Variants in CD28 observed in about 807,000 individuals in gnomAD.
CD28 encodes CD28 molecule.
CD28 carries 8 observed loss-of-function variants against 21.4 expected under a neutral mutation model. The ratio of observed to expected loss-of-function variants is 0.37; its 90% CI spans 0.22 to 0.68. CD28 has a LOEUF of 0.68. CD28 is among the 30% of genes least tolerant of loss of function. The pLI is 0.55. For missense variants in CD28, 239 were observed against 272.2 expected (o/e 0.88, Z 0.86); for synonymous variants, 106 against 104.0 (o/e 1.02, Z -0.12).
chr2:203,716,109 C>G (rs1162787731), intron 1 of CD28, among the ~76,000 whole-genome samples: 2 of 152,156 alleles, frequency 1.3e-5, no homozygotes, highest in African/African-American at 2.4e-5. Context: ...AATCTATGTG[C>G]CTTTTCTTGG....
chr2:203,716,258 C>T (rs1424774629), intron 1 of CD28, among the ~76,000 whole-genome samples: 2 of 152,102 alleles, frequency 1.3e-5, no homozygotes, highest in South Asian at 2.1e-4. Context: ...GACCTTATGG[C>T]CCAGCTAAAT....
intron 1 of CD28, among the ~76,000 whole-genome samples, chr2:203,722,983 C>T (rs1693643101): frequency 6.6e-6 from 1 of 152,152 alleles, no homozygotes. Context: ...TCTAGAATTA[C>T]TAGAGAAACT....
Position 203,706,673 on chromosome 2 carries a change from C to A in CD28, c.-24C>A. ...GTTCCTCGGGGAGGAGGGGCTGGAA[C>A]CCTAGCCCATCGTCAGGACAAAGAT... On this transcript the variant is annotated 5_prime_UTR_variant, in exon 1 of 4. Transcript: ENST00000324106. 2 of 1,614,004 alleles carry A rather than the reference C, an allele frequency of 1.2e-6. No homozygotes were observed. The highest frequency in any genetic ancestry group is 1.7e-6 in the Non-Finnish European group (2 of 1,179,942).
At position 203,716,050 on chromosome 2, in the gene CD28, A is replaced by G. The variant is rs150173965; in HGVS notation, c.52+9302A>G. On this transcript the variant is annotated intron_variant, in intron 1 of 3. Transcript: ENST00000324106. ...CCTTCCCAAAGCAGCATGTACCACA[A>G]CATTCTCAACTCAGACATCTTCAGC... 8.9e-4 allele frequency among the ~76,000 whole-genome samples: 136 copies of G among 152,242 alleles called. No individual in the cohort carries two copies. In the East Asian group the frequency reaches 0.016, roughly 17 times the overall value.
intron 1 of CD28, among the ~76,000 whole-genome samples, chr2:203,710,074 G>A (rs1693269288): frequency 6.6e-6 from 1 of 152,200 alleles, no homozygotes; most frequent in African/African-American, 2.4e-5. Context: ...GAAGTAATTT[G>A]TTTCTCACAG....
Position 203,736,648 on chromosome 2 carries a change from T to C in CD28, c.*1736T>C, listed in dbSNP as rs1281560725. The C allele has an allele frequency of 1.3e-5, 2 of 152,210 alleles. No homozygotes were observed. Among genetic ancestry groups the C allele is most frequent in the African/African-American group, 4.8e-5 (2 of 41,442 alleles). 9.4% of individuals were successfully genotyped at this position (152,210 alleles called of 1,614,324 possible). On this transcript the variant is annotated 3_prime_UTR_variant, in exon 4 of 4. Coordinates refer to ENST00000324106, the MANE Select transcript of CD28 (RefSeq NM_006139.4). ...ATGGCCCTTCAGTGGCCCTCACCAT[T>C]TGTTCATGCTTCAGTTAATTCAGGT...
At chr2:203,729,800 A>G (rs1320882031) in intron 3 of CD28, 28 bp downstream of exon 3, 1 of 1,606,560 alleles carries the variant, frequency 6.2e-7, no homozygotes, top group African/African-American at 1.3e-5. Flanking sequence ...GCTTTTATGT[A>G]ACTTTTCCAC....
intron 1 of CD28, among the ~76,000 whole-genome samples, chr2:203,714,024 G>C (rs1266668197): frequency 6.6e-5 from 10 of 151,904 alleles, no homozygotes; most frequent in Non-Finnish European, 1.5e-4. Flanking sequence ...GAGATTTGTT[G>C]CATAGGAGAT....
At position 203,736,941 on chromosome 2, in the gene CD28, G is replaced by T; in HGVS notation, c.*2029G>T. 6.6e-6 allele frequency: 1 copy of T among 152,282 alleles called. No homozygotes were observed. The highest frequency in any genetic ancestry group is 2.1e-4 in the South Asian group (1 of 4,824). The allele number at this position is 152,282 out of a possible 1,614,324, so 9.4% of individuals were successfully genotyped here. On this transcript the variant is annotated 3_prime_UTR_variant, in exon 4 of 4. Transcript: ENST00000324106. ...TATTATTGCCATATAGATAAATTAT[G>T]TATAAAAATTAAACTGGGCAATAGC...
intron 2 of CD28, among the ~76,000 whole-genome samples, chr2:203,728,256 T>C (rs1693804283): frequency 6.6e-6 from 1 of 152,222 alleles, no homozygotes; most frequent in African/African-American, 2.4e-5. Flanking sequence ...TAAGCAGTAT[T>C]TGTGAATTAG....
intron 1 of CD28, among the ~76,000 whole-genome samples, chr2:203,712,288 C>T (rs1693336520): frequency 6.6e-6 from 1 of 152,064 alleles, no homozygotes; most frequent in Admixed American, 6.5e-5. Flanking sequence ...TTTTACAGCC[C>T]CTATGATTTA....
At chr2:203,712,202 A>AC (rs201992741) in intron 1 of CD28, among the ~76,000 whole-genome samples, 2,998 of 151,254 alleles carry the variant, frequency 0.02, 72 homozygotes, top group African/African-American at 0.042. Flanking sequence ...AACAACAACA[A>AC]AAAAAAGAAA....
chr2:203,724,931 GC>G (rs1693700802), intron 1 of CD28, among the ~76,000 whole-genome samples: 1 of 151,974 alleles, frequency 6.6e-6, no homozygotes, highest in Non-Finnish European at 1.5e-5. Flanking sequence ...CAAAACAAGA[GC>G]AAAAAAATGC....
intron 1 of CD28, 49 bp downstream of exon 1, chr2:203,706,797 C>T (rs1693168854): frequency 7.3e-7 from 1 of 1,373,324 alleles, no homozygotes; most frequent in Admixed American, 1.7e-5. Context: ...TTGAGGTCTT[C>T]CAATTGGCTT....
chr2:203,720,728 T>G (rs1693584591), intron 1 of CD28, among the ~76,000 whole-genome samples: 1 of 152,378 alleles, frequency 6.6e-6, no homozygotes, highest in African/African-American at 2.4e-5. Context: ...GATTATCAGC[T>G]ACTTTGATTT....
chr2:203,716,830 C>A (rs978556365), intron 1 of CD28, among the ~76,000 whole-genome samples: 2 of 152,096 alleles, frequency 1.3e-5, no homozygotes, highest in Non-Finnish European at 2.9e-5. Context: ...AACTTCTTTA[C>A]TAAATTATTT....
At position 203,731,721 on chromosome 2, in the gene CD28, G is replaced by T. The variant is rs540257171; in HGVS notation, c.534+1949G>T. On this transcript the variant is annotated intron_variant, in intron 3 of 3. Coordinates refer to ENST00000324106, the MANE Select transcript of CD28 (RefSeq NM_006139.4). Reference sequence around the variant, plus strand: ...TTCTCACTTTCAATGAATTTAAACCGTTCACTTTCAACTCAGACACATCAT... The same window carrying T: ...TTCTCACTTTCAATGAATTTAAACCTTTCACTTTCAACTCAGACACATCAT... Among the ~76,000 whole-genome samples, 130 of 152,290 alleles carry T rather than the reference G, an allele frequency of 8.5e-4. 2 individuals are homozygous for T. In the South Asian group the frequency reaches 0.026, roughly 31 times the overall value.
intron 1 of CD28, among the ~76,000 whole-genome samples, chr2:203,723,593 G>A (rs1693663281): frequency 6.6e-6 from 1 of 152,080 alleles, no homozygotes; most frequent in Non-Finnish European, 1.5e-5. Flanking sequence ...TCTGAATAGA[G>A]AGTTCTCTAA....
At chr2:203,725,735 T>C (rs1351117358) in intron 1 of CD28, among the ~76,000 whole-genome samples, 1 of 152,258 alleles carries the variant, frequency 6.6e-6, no homozygotes, top group East Asian at 1.9e-4. Flanking sequence ...GGAATAGATC[T>C]ATGAATTTCT....
Sources: gnomAD v4.1 joint callset for allele counts (sites outside exome capture counted in the v4.1 genomes callset) on GRCh38, gnomAD v4.1.1 for gene constraint, MANE v1.5 for transcripts, NCBI Gene and HGNC (gene_info 2026-07-23, HGNC 2026-07-21) for gene names.